Variants in MECOM observed in about 807,000 individuals in gnomAD.
MECOM encodes the protein MDS1 and EVI1 complex locus, also known as histone-lysine N-methyltransferase MECOM.
Under a neutral mutation model 116.3 loss-of-function variants are expected in MECOM, and 13 were observed. The ratio of observed to expected loss-of-function variants is 0.11; its 90% CI spans 0.07 to 0.18. The LOEUF is 0.18. Among genes scored for constraint, MECOM ranks in the 10% least tolerant of loss-of-function variants. The pLI is 1.00. For missense variants in MECOM, 1,299 were observed against 1,509.0 expected (o/e 0.86, Z 2.31); for synonymous variants, 528 against 535.2 (o/e 0.99, Z 0.19).
intron 2 of MECOM, among the ~76,000 whole-genome samples, chr3:169,305,890 C>T (rs1292370968): frequency 1.3e-5 from 2 of 151,718 alleles, no homozygotes; most frequent in Non-Finnish European, 2.9e-5. Context: ...GTTTTTTAAC[C>T]CTGTAACAAT....
intron 2 of MECOM, among the ~76,000 whole-genome samples, chr3:169,334,941 C>T (rs1255833511): frequency 1.3e-5 from 2 of 152,056 alleles, no homozygotes; most frequent in African/African-American, 4.8e-5. Context: ...ATCTGCACTC[C>T]CTCAATAGAG....
chr3:169,615,993 T>G (rs1320273072), intron 1 of MECOM, among the ~76,000 whole-genome samples: 1 of 152,234 alleles, frequency 6.6e-6, no homozygotes, highest in Non-Finnish European at 1.5e-5. Flanking sequence ...TGTTGGTGGC[T>G]CCTTTCCAAA....
At chr3:169,090,655 G>A (rs563044546) in intron 14 of MECOM, among the ~76,000 whole-genome samples, 1 of 151,950 alleles carries the variant, frequency 6.6e-6, no homozygotes, top group Non-Finnish European at 1.5e-5. Flanking sequence ...ATGGGCCGTA[G>A]CTACAATACA....
intron 2 of MECOM, among the ~76,000 whole-genome samples, chr3:169,278,123 G>T (rs1366032382): frequency 1.3e-5 from 2 of 152,088 alleles, no homozygotes; most frequent in Non-Finnish European, 2.9e-5. Context: ...CAATGTATAG[G>T]GATCTTATTT....
chr3:169,379,395 A>C (rs1371438733), intron 2 of MECOM, among the ~76,000 whole-genome samples: 3 of 152,116 alleles, frequency 2.0e-5, no homozygotes, highest in Non-Finnish European at 1.5e-5. Flanking sequence ...ATTTTCGGCC[A>C]AAAAGTCAGG....
intron 1 of MECOM, among the ~76,000 whole-genome samples, chr3:169,453,950 T>C (rs1303748124): frequency 6.6e-6 from 1 of 152,114 alleles, no homozygotes; most frequent in Non-Finnish European, 1.5e-5. Context: ...CAGAGTCGCC[T>C]TTGCAATCAA....
intron 1 of MECOM, among the ~76,000 whole-genome samples, chr3:169,571,335 TAA>T (rs151169351): frequency 0.22 from 33,373 of 151,896 alleles, 4,658 homozygotes; most frequent in East Asian, 0.7. Context: ...CTCAAGGAAA[TAA>T]GAGATGACAC....
intron 1 of MECOM, among the ~76,000 whole-genome samples, chr3:169,527,437 T>C (rs1758087622): frequency 1.3e-5 from 2 of 152,200 alleles, no homozygotes; most frequent in South Asian, 2.1e-4. Flanking sequence ...AGTAAAGAGA[T>C]TGATGCATCA....
intron 13 of MECOM, 31 bp downstream of exon 13, chr3:169,095,045 T>A (rs1268477806): frequency 6.7e-7 from 1 of 1,491,862 alleles, no homozygotes; most frequent in Non-Finnish European, 9.0e-7. Flanking sequence ...AAAGAAGTCA[T>A]CTTTGACTTA....
intron 1 of MECOM, chr3:169,466,884 G>A (rs1179276739): frequency 6.6e-6 from 1 of 152,168 alleles, no homozygotes; most frequent in African/African-American, 2.4e-5. Flanking sequence ...TTACTTAGGT[G>A]AACTAGTGGA....
chr3:169,649,843 T>C (rs1560535301), intron 1 of MECOM, among the ~76,000 whole-genome samples: 1 of 152,244 alleles, frequency 6.6e-6, no homozygotes, highest in Non-Finnish European at 1.5e-5. Flanking sequence ...TTTAATTCCT[T>C]GAATGGTACC....
In MECOM at chr3:169,381,546, A is replaced by G. The variant is rs1022756598; in HGVS notation, c.38-22T>C. The G allele has an allele frequency of 7.2e-6, 11 of 1,519,798 alleles. No individual in the cohort carries two copies. In the Admixed American group the frequency reaches 1.5e-4, roughly 20 times the overall value. The allele number at this position is 1,519,798 out of a possible 1,614,324, so 94.1% of individuals were successfully genotyped here. A position where few individuals can be genotyped will look rare whatever the true frequency, so the allele number is the denominator to read the frequency against. On this transcript the variant is annotated intron_variant, in intron 1 of 16. Coordinates refer to ENST00000651503, the MANE Select transcript of MECOM (RefSeq NM_004991.4). The stretch of plus-strand genomic sequence containing the variant: ...TTATCTGTGAATAAATAAGAACTTC[A>G]TGAATTCCTTCTGATATTGAAGAGA...
At chr3:169,499,264 A>G (rs1437545669) in intron 1 of MECOM, among the ~76,000 whole-genome samples, 2 of 146,858 alleles carry the variant, frequency 1.4e-5, no homozygotes, top group Non-Finnish European at 1.5e-5. Context: ...GTCCAAACTT[A>G]GAGATGTTGC....
At chr3:169,304,102 A>G (rs757876915) in intron 2 of MECOM, among the ~76,000 whole-genome samples, 1 of 152,244 alleles carries the variant, frequency 6.6e-6, no homozygotes, top group African/African-American at 2.4e-5. Context: ...GGAATTTTCC[A>G]ATCTTCTCAC....
At chr3:169,318,301 C>A (rs150860015) in intron 2 of MECOM, among the ~76,000 whole-genome samples, 20,366 of 152,124 alleles carry the variant, frequency 0.13, 1,902 homozygotes, top group East Asian at 0.33. Context: ...AGCTTCTGCA[C>A]AGCAAAAGAA....
intron 2 of MECOM, among the ~76,000 whole-genome samples, chr3:169,291,896 C>T (rs1714631820): frequency 6.6e-6 from 1 of 152,130 alleles, no homozygotes; most frequent in African/African-American, 2.4e-5. Context: ...GTGAATAATA[C>T]CACAGGGAGC....
chr3:169,259,810 T>C (rs912447863), intron 2 of MECOM, among the ~76,000 whole-genome samples: 1 of 152,252 alleles, frequency 6.6e-6, no homozygotes, highest in Non-Finnish European at 1.5e-5. Flanking sequence ...ACGAAGAATG[T>C]GTTTGCTGAA....
chr3:169,114,104 A>G (rs1728326458), intron 8 of MECOM, among the ~76,000 whole-genome samples: 1 of 152,168 alleles, frequency 6.6e-6, no homozygotes, highest in African/African-American at 2.4e-5. Flanking sequence ...AATTATCTTA[A>G]CAAAGGACTG....
At chr3:169,248,273 A>G (rs1294977790) in intron 2 of MECOM, among the ~76,000 whole-genome samples, 1 of 152,238 alleles carries the variant, frequency 6.6e-6, no homozygotes, top group Non-Finnish European at 1.5e-5. Flanking sequence ...TGATGAAGAT[A>G]TAGAAATTCA....
Sources: allele counts gnomAD v4.1 joint callset (sites outside exome capture counted in the v4.1 genomes callset), GRCh38; gene constraint gnomAD v4.1.1; transcripts MANE v1.5; gene names NCBI Gene and HGNC (gene_info 2026-07-23, HGNC 2026-07-21).